Variants in LMF1 observed in about 807,000 individuals in gnomAD.
The protein encoded by LMF1 is transmembrane protein 112.
LMF1 carries 68 observed loss-of-function variants against 60.6 expected under a neutral mutation model. The observed-to-expected ratio is 1.12, with a 90% CI of 0.92 to 1.37. LMF1 has a LOEUF of 1.37. Among genes scored for constraint, LMF1 ranks in the 40% most tolerant of loss-of-function variants. The probability of loss-of-function intolerance (pLI) is 0.00; values close to 1 mark genes in which losing one functional copy is unlikely to be tolerated. For missense variants in LMF1, 948 were observed against 767.2 expected (o/e 1.24, Z -2.78); for synonymous variants, 418 against 324.7 (o/e 1.29, Z -3.09).
rs938147742 is a variant in LMF1, at chr16:874,708, G to T, written c.898-3367C>A. ...GGACGGTGCTCAGATGGGAACACAC[G>T]GAACCAGGACGGGATCCGGGGAGGC... On this transcript the variant is annotated intron_variant, in intron 6 of 10. Coordinates refer to ENST00000262301, the MANE Select transcript of LMF1 (RefSeq NM_022773.4). This position sits in a 1 kb window ranked among gnomAD's most constrained non-coding sequence, Gnocchi z 4.1. 1.3e-5 allele frequency among the ~76,000 whole-genome samples: 2 copies of T among 151,976 alleles called. No homozygotes were observed. Among genetic ancestry groups the T allele is most frequent in the East Asian group, 2.0e-4 (1 of 5,110 alleles).
intron 6 of LMF1, among the ~76,000 whole-genome samples, chr16:876,270 G>A (rs1334613571): frequency 6.6e-6 from 1 of 152,248 alleles, no homozygotes; most frequent in East Asian, 1.9e-4. Context: ...CGCAAAGGCT[G>A]CACAATGCTT....
chr16:911,832 G>A (rs1179847942), intron 3 of LMF1, among the ~76,000 whole-genome samples: 3 of 152,084 alleles, frequency 2.0e-5, no homozygotes, highest in Non-Finnish European at 2.9e-5. Context: ...GGTCCACACG[G>A]AACCAACACC....
chr16:959,350 T>C (rs2072774870), intron 1 of LMF1, among the ~76,000 whole-genome samples: 1 of 152,136 alleles, frequency 6.6e-6, no homozygotes, highest in Admixed American at 6.6e-5. Context: ...CATTCGTATG[T>C]CACACTGGAA....
chr16:924,961 C>T (rs1410953918), intron 3 of LMF1, among the ~76,000 whole-genome samples: 1 of 152,208 alleles, frequency 6.6e-6, no homozygotes, highest in Admixed American at 6.5e-5. Flanking sequence ...GGCAAGGCCA[C>T]CGCACAGACT....
chr16:864,255 A>C (rs905576947), intron 10 of LMF1, among the ~76,000 whole-genome samples: 2 of 152,174 alleles, frequency 1.3e-5, no homozygotes, highest in Non-Finnish European at 1.5e-5. Context: ...CTTTATTTTC[A>C]TTAATAGTCA....
chr16:972,610 G>A (rs2073071358), upstream of LMF1, among the ~76,000 whole-genome samples: 1 of 152,250 alleles, frequency 6.6e-6, no homozygotes, highest in Non-Finnish European at 1.5e-5. Flanking sequence ...GCTAGGGGAC[G>A]GACGGCGAGA....
At chr16:891,055 G>A (rs1464601731) in intron 5 of LMF1, among the ~76,000 whole-genome samples, 1 of 152,220 alleles carries the variant, frequency 6.6e-6, no homozygotes, top group Non-Finnish European at 1.5e-5. Flanking sequence ...GGCAGTCCTG[G>A]GCCTTTAAGG....
Position 870,061 on chromosome 16 carries a change from G to A in LMF1, c.1238C>T (p.Thr413Ile). The change falls in exon 9 of 11, where the codon ACC becomes ATC. Residue 413 changes from threonine (T) to isoleucine (I), a missense_variant. Physicochemically the swap from Thr to Ile is moderately conservative, Grantham distance 89. Coordinates refer to ENST00000262301, the MANE Select transcript of LMF1 (RefSeq NM_022773.4). ...CAGGATCACCTCCGCCCGCTCCTTG[G>A]TGATGCTGCCGGGAGACCGAGGCAG... is the stretch of plus-strand genomic sequence containing the variant. Reference protein sequence around the residue: ...VNTYGAFGSITKERAEVILQG... With the variant: ...VNTYGAFGSIIKERAEVILQG... 6.2e-7 allele frequency: 1 copy of A among 1,608,084 alleles called. No individual in the cohort carries two copies. Among genetic ancestry groups the A allele is most frequent in the Non-Finnish European group, 8.5e-7 (1 of 1,179,438 alleles).
At chr16:868,097 G>A (rs1029860023) in intron 10 of LMF1, among the ~76,000 whole-genome samples, 1 of 152,122 alleles carries the variant, frequency 6.6e-6, no homozygotes, top group Admixed American at 6.5e-5. Context: ...CCTCCAGGGG[G>A]CTGCTCAATC....
intron 2 of LMF1, among the ~76,000 whole-genome samples, chr16:938,979 T>A (rs139511738): frequency 6.6e-6 from 1 of 152,088 alleles, no homozygotes; most frequent in South Asian, 2.1e-4. Flanking sequence ...AGTCCGTGCA[T>A]ACAGAATGGG....
chr16:855,756 G>A (rs944654894), intron 10 of LMF1: 16 of 456,044 alleles, frequency 3.5e-5, no homozygotes, highest in African/African-American at 1.8e-4. Context: ...GCCCAGGCAG[G>A]TGCCAGAGGC....
intron 1 of LMF1, among the ~76,000 whole-genome samples, chr16:977,947 CACACACA>C (rs2073203526): frequency 8.7e-6 from 1 of 114,490 alleles, no homozygotes; most frequent in Non-Finnish European, 1.8e-5. Context: ...CATACACACG[CACACACA>C]CCACACACCA....
intron 1 of LMF1, chr16:980,633 C>T (rs979925572): frequency 3.9e-5 from 6 of 152,274 alleles, no homozygotes; most frequent in African/African-American, 1.4e-4. Flanking sequence ...GCCCCTTCGC[C>T]TCCAGCGCGC....
intron 3 of LMF1, among the ~76,000 whole-genome samples, chr16:925,106 C>T (rs1204473737): frequency 6.6e-6 from 1 of 152,206 alleles, no homozygotes; most frequent in Non-Finnish European, 1.5e-5. Flanking sequence ...GGTGACGAAA[C>T]CGCCCTCTTC....
intron 3 of LMF1, among the ~76,000 whole-genome samples, chr16:929,642 G>A (rs760894469): frequency 2.0e-5 from 3 of 152,372 alleles, no homozygotes; most frequent in Non-Finnish European, 2.9e-5. Flanking sequence ...GGCCACATTC[G>A]GGGCTGCGGA....
At chr16:931,875 C>G in intron 3 of LMF1, 4 of 1,164,742 alleles carry the variant, frequency 3.4e-6, no homozygotes, top group Non-Finnish European at 4.5e-6. Flanking sequence ...GTCAACAATT[C>G]GCTTCTGAGT....
intron 4 of LMF1, among the ~76,000 whole-genome samples, chr16:895,374 G>C (rs1278022062): frequency 1.3e-5 from 2 of 152,224 alleles, no homozygotes; most frequent in Non-Finnish European, 2.9e-5. Flanking sequence ...TAGCACGGAG[G>C]CCAGTGTTTG....
chr16:978,979 C>G (rs1348442705), intron 1 of LMF1: 1 of 453,888 alleles, frequency 2.2e-6, no homozygotes, highest in South Asian at 1.6e-5. Context: ...TTTCCCAGAC[C>G]ATCCTTCCTG....
At chr16:934,863 C>T (rs1300793384) in intron 2 of LMF1, among the ~76,000 whole-genome samples, 2 of 152,194 alleles carry the variant, frequency 1.3e-5, no homozygotes, top group Non-Finnish European at 2.9e-5. Context: ...CTCTCTAACC[C>T]CACCCCACCT....
Sources: gnomAD v4.1 joint callset for allele counts (sites outside exome capture counted in the v4.1 genomes callset) on GRCh38, gnomAD v4.1.1 for gene constraint, Gnocchi (gnomAD v3.1) non-coding constraint, MANE v1.5 for transcripts, NCBI Gene and HGNC (gene_info 2026-07-23, HGNC 2026-07-21) for gene names.